Variants in EDARADD observed in about 807,000 individuals in gnomAD.
EDARADD encodes the protein ectodysplasin-A receptor-associated adapter protein.
Under a neutral mutation model 25.6 loss-of-function variants are expected in EDARADD, and 20 were observed. The ratio of observed to expected loss-of-function variants is 0.78; its 90% CI spans 0.55 to 1.14. The LOEUF (loss-of-function observed/expected upper bound fraction) is 1.14, where lower values mean the gene tolerates loss of function less well. Ranked by LOEUF, EDARADD falls within the 50% of genes most tolerant of loss-of-function variation. The pLI is 0.00. For synonymous variants in EDARADD, 86 were observed against 94.4 expected, an observed-to-expected ratio of 0.91 and a Z score of 0.52; for missense variants, 225 against 270.1, an observed-to-expected ratio of 0.83 and a Z score of 1.17.
At chr1:236,472,957 G>A (rs953715771) in intron 5 of EDARADD, among the ~76,000 whole-genome samples, 1 of 152,126 alleles carries the variant, frequency 6.6e-6, no homozygotes, top group African/African-American at 2.4e-5. Flanking sequence ...GCATCAGCTG[G>A]TTTGACAATT....
intron 1 of EDARADD, among the ~76,000 whole-genome samples, chr1:236,399,054 T>G (rs555834696): frequency 6.6e-6 from 1 of 152,366 alleles, no homozygotes; most frequent in East Asian, 1.9e-4. Flanking sequence ...TTTTAGGAAC[T>G]TACTCATCGA....
In EDARADD at chr1:236,395,188, G is replaced by A. The variant is rs1163152587; in HGVS notation, c.61+683G>A. 6.6e-6 allele frequency among the ~76,000 whole-genome samples: 1 copy of A among 152,206 alleles called. No individual in the cohort carries two copies. Among genetic ancestry groups the A allele is most frequent in the African/African-American group, 2.4e-5 (1 of 41,460 alleles). Reference sequence around the variant, plus strand: ...CCCGCGACTGCAGCCGTTTCTTAAGGCCAGTCCTTCGCTCGCAGTCTGTCC... The same window carrying A: ...CCCGCGACTGCAGCCGTTTCTTAAGACCAGTCCTTCGCTCGCAGTCTGTCC... On this transcript the variant is annotated intron_variant, in intron 1 of 5. Transcript: ENST00000334232. This position sits in a 1 kb window ranked among gnomAD's most constrained non-coding sequence, Gnocchi z 6.9.
intron 5 of EDARADD, 136 bp from the exon 6 acceptor site, chr1:236,482,131 A>AT: frequency 9.5e-7 from 1 of 1,047,458 alleles, no homozygotes; most frequent in Non-Finnish European, 1.4e-6. Context: ...AAAAAAAAAA[A>AT]GAAAGAAACG....
At chr1:236,431,232 G>C (rs1658087346) in intron 4 of EDARADD, among the ~76,000 whole-genome samples, 1 of 152,092 alleles carries the variant, frequency 6.6e-6, no homozygotes, top group Admixed American at 6.6e-5. Context: ...CTTCTACTAA[G>C]GATTTATTTG....
rs1454777524 is a variant in EDARADD, at chr1:236,483,669, A to G, written c.*1020A>G. The G allele has an allele frequency of 1.7e-5, 26 of 1,574,036 alleles. No individual in the cohort carries two copies. The highest frequency in any genetic ancestry group is 2.7e-5 in the African/African-American group (2 of 73,992). ...CACCAAGCTGGCCATGCAGGAGTTCATGGTCCTCCCAGTCGGTGCAGCAAA... is the reference window on the plus strand; with the variant it reads ...CACCAAGCTGGCCATGCAGGAGTTCGTGGTCCTCCCAGTCGGTGCAGCAAA... On this transcript the variant is annotated 3_prime_UTR_variant, in exon 6 of 6. Coordinates refer to ENST00000334232, the MANE Select transcript of EDARADD (RefSeq NM_145861.4).
intron 4 of EDARADD, among the ~76,000 whole-genome samples, chr1:236,456,884 G>A (rs1658883990): frequency 6.6e-6 from 1 of 152,028 alleles, no homozygotes; most frequent in Non-Finnish European, 1.5e-5. Flanking sequence ...CAAGCATTTT[G>A]GTGATGCTCT....
In EDARADD at chr1:236,398,047, C is replaced by T. The variant is rs370606632; in HGVS notation, c.61+3542C>T. The stretch of plus-strand genomic sequence containing the variant: ...GCCTGGTGTTTTCACACCATTCCAA[C>T]GTAGGTTTTCACACCCACTCTTGCC... On this transcript the variant is annotated intron_variant, in intron 1 of 5. Transcript: ENST00000334232. This position sits in a 1 kb window ranked among gnomAD's most constrained non-coding sequence, Gnocchi z 4.1. 1.3e-5 allele frequency among the ~76,000 whole-genome samples: 2 copies of T among 152,210 alleles called. No individual in the cohort carries two copies. Among genetic ancestry groups the T allele is most frequent in the Non-Finnish European group, 2.9e-5 (2 of 68,042 alleles).
chr1:236,414,704 C>A (rs1455713577), intron 3 of EDARADD, among the ~76,000 whole-genome samples: 1 of 152,006 alleles, frequency 6.6e-6, no homozygotes, highest in Non-Finnish European at 1.5e-5. Context: ...GAGGCCGAGG[C>A]AGGTGGATAG....
At chr1:236,418,426 G>A (rs1657698680) in intron 3 of EDARADD, among the ~76,000 whole-genome samples, 1 of 151,614 alleles carries the variant, frequency 6.6e-6, no homozygotes, top group Admixed American at 6.6e-5. Flanking sequence ...TGTATTTTTA[G>A]TAGAAATGGG....
At chr1:236,466,087 C>A (rs1359611085) in intron 4 of EDARADD, among the ~76,000 whole-genome samples, 2 of 152,210 alleles carry the variant, frequency 1.3e-5, no homozygotes, top group South Asian at 4.1e-4. Context: ...ACCACAAAAT[C>A]TGTCAAGTTC....
chr1:236,386,426 A>G (rs1667352560), intron 3 of EDARADD, among the ~76,000 whole-genome samples: 1 of 27,596 alleles, frequency 3.6e-5, no homozygotes, highest in Non-Finnish European at 7.5e-5. Context: ...CTGGAAAGTG[A>G]GGAGCATCTC....
Position 236,395,605 on chromosome 1 carries a change from G to T in EDARADD, c.61+1100G>T, listed in dbSNP as rs1490667864. Reference sequence around the variant, plus strand: ...GGAGGCCTGCCAGCCCCGCTCGGACGCTCGTTTGCCCCTAACCCGCCGCCA... The same window carrying T: ...GGAGGCCTGCCAGCCCCGCTCGGACTCTCGTTTGCCCCTAACCCGCCGCCA... On this transcript the variant is annotated intron_variant, in intron 1 of 5. Coordinates refer to ENST00000334232, the MANE Select transcript of EDARADD (RefSeq NM_145861.4). The surrounding 1 kb of genome is among the most constrained non-coding windows in gnomAD (Gnocchi z 6.9). The T allele has an allele frequency of 7.7e-6, 12 of 1,557,720 alleles. No individual in the cohort carries two copies. The highest frequency in any genetic ancestry group is 1.0e-5 in the Non-Finnish European group (12 of 1,153,760).
At chr1:236,433,174 AG>A (rs5781883) in intron 4 of EDARADD, among the ~76,000 whole-genome samples, 94,341 of 151,868 alleles carry the variant, frequency 0.62, 32,543 homozygotes, top group Non-Finnish European at 0.79. Flanking sequence ...GATCAATGAA[AG>A]GCGCATCGCC....
intron 4 of EDARADD, among the ~76,000 whole-genome samples, chr1:236,463,844 C>T (rs949506877): frequency 6.6e-6 from 1 of 152,178 alleles, no homozygotes; most frequent in Non-Finnish European, 1.5e-5. Flanking sequence ...GTCCCATCTC[C>T]AAAGAAATGG....
chr1:236,461,453 T>C (rs1285433654), intron 4 of EDARADD, among the ~76,000 whole-genome samples: 1 of 152,178 alleles, frequency 6.6e-6, no homozygotes, highest in African/African-American at 2.4e-5. Flanking sequence ...CAAAAATGAG[T>C]TCCCTGTAGG....
intron 4 of EDARADD, among the ~76,000 whole-genome samples, chr1:236,467,989 C>T (rs1659260996): frequency 6.6e-6 from 1 of 152,126 alleles, no homozygotes; most frequent in Non-Finnish European, 1.5e-5. Context: ...GTATCAAGCA[C>T]TGTTCTGGGC....
At chr1:236,460,440 C>T (rs1277447215) in intron 4 of EDARADD, among the ~76,000 whole-genome samples, 1 of 152,110 alleles carries the variant, frequency 6.6e-6, no homozygotes, top group Non-Finnish European at 1.5e-5. Context: ...CCCACCTTGG[C>T]CTCCCAAACT....
chr1:236,404,462 G>A (rs1018016220), intron 1 of EDARADD, among the ~76,000 whole-genome samples: 1 of 152,098 alleles, frequency 6.6e-6, no homozygotes, highest in African/African-American at 2.4e-5. Context: ...GTGCATGGGC[G>A]CCACCGTGGG....
chr1:236,390,905 C>T (rs1356771280), upstream of EDARADD, among the ~76,000 whole-genome samples: 1 of 151,710 alleles, frequency 6.6e-6, no homozygotes, highest in Non-Finnish European at 1.5e-5. Context: ...CCTGCTCCTT[C>T]CTTCTACCAC....
Sources: allele counts gnomAD v4.1 joint callset (sites outside exome capture counted in the v4.1 genomes callset), GRCh38; gene constraint gnomAD v4.1.1; non-coding constraint Gnocchi (gnomAD v3.1); transcripts MANE v1.5; gene names NCBI Gene and HGNC (gene_info 2026-07-23, HGNC 2026-07-21).